Variants in MCM2 observed in about 807,000 individuals in gnomAD.
The protein encoded by MCM2 is DNA replication licensing factor MCM2.
In MCM2, 49 loss-of-function variants were observed where a neutral mutation model predicts 86.4. That is an observed-to-expected ratio of 0.57 (90% confidence interval 0.45 to 0.72). MCM2 has a LOEUF of 0.72. Ranked by LOEUF, MCM2 falls within the 30% of genes least tolerant of loss-of-function variation. The pLI, the probability that MCM2 is intolerant of heterozygous loss-of-function variation, is 0.00. For synonymous variants in MCM2, 475 were observed against 484.6 expected, an observed-to-expected ratio of 0.98 and a Z score of 0.26; for missense variants, 1,038 against 1,259.9, an observed-to-expected ratio of 0.82 and a Z score of 2.67.
At chr3:127,603,914 C>A (rs1213539159) in intron 2 of MCM2, among the ~76,000 whole-genome samples, 6 of 151,896 alleles carry the variant, frequency 4.0e-5, no homozygotes, top group African/African-American at 1.5e-4. Flanking sequence ...TCCGCCTTGG[C>A]CTCCCAAAGT....
intron 3 of MCM2, 33 bp from the exon 4 acceptor site, chr3:127,604,863 G>T: frequency 6.3e-7 from 1 of 1,588,524 alleles, no homozygotes; most frequent in South Asian, 1.1e-5. Flanking sequence ...TGCTGGGGAT[G>T]ACCGCAGTAG....
chr3:127,621,149 A>T lies in MCM2; in HGVS notation c.2525A>T (p.Glu842Val). Residue 842 changes from glutamate (E) to valine (V), a missense_variant, in exon 15 of 16, where the codon GAG (glutamate) becomes GTG (valine). Physicochemically the swap from Glu to Val is moderately radical, Grantham distance 121. Around this residue, in one of 4 missense-constraint regions of MCM2, gnomAD observed 336 missense variants for 425.7 expected, o/e 0.79. Transcript: ENST00000265056. The stretch of plus-strand genomic sequence containing the variant: ...TTCATACTGAAGCAGTTAGTGGCAG[A>T]GCAGGTGACATATCAGCGCAACCGC... ...LLFILKQLVA[E>V]QVTYQRNRFG... is the part of the protein sequence containing the mutation. The T allele has an allele frequency of 1.2e-6, 2 of 1,614,216 alleles. No homozygotes were observed. Among genetic ancestry groups the T allele is most frequent in the Non-Finnish European group, 1.7e-6 (2 of 1,180,050 alleles).
rs760232173 is a variant in MCM2, at chr3:127,606,188, G to A, written c.744G>A (p.Leu248=). ...AAREHVLAYF[L]PEAPAELLQI... ...GGGAGCACGTGCTGGCCTACTTCCT[G>A]CCTGAGGCACCGGCGGAGCTGCTGC... Residue 248 remains leucine, a synonymous_variant, in exon 5 of 16, where the codon CTG becomes CTA. Transcript: ENST00000265056. The surrounding 1 kb of genome is among the most constrained non-coding windows in gnomAD (Gnocchi z 4.2). The A allele has an allele frequency of 6.2e-7, 1 of 1,614,238 alleles. No homozygotes were observed. The highest frequency in any genetic ancestry group is 8.5e-7 in the Non-Finnish European group (1 of 1,180,050).
intron 2 of MCM2, among the ~76,000 whole-genome samples, chr3:127,602,572 C>A (rs1256983387): frequency 6.6e-6 from 1 of 152,198 alleles, no homozygotes; most frequent in African/African-American, 2.4e-5. Context: ...CCTCATCTTT[C>A]AGATGGAATG....
chr3:127,602,995 C>T (rs1369271026), intron 2 of MCM2, among the ~76,000 whole-genome samples: 1 of 152,128 alleles, frequency 6.6e-6, no homozygotes, highest in Non-Finnish European at 1.5e-5. Context: ...GTAAAATACA[C>T]ATAACAAAAT....
rs2074456657 is a variant in MCM2, at chr3:127,619,151, AG to A, written c.2139del (p.Glu713AspfsTer8). On this transcript the variant is annotated frameshift_variant, in exon 13 of 16. Transcript: ENST00000265056. LOFTEE classifies it high-confidence loss of function. ...GCCATGCCCAACACGTATGGCGTGG[AG>A]CCCCTGCCCCAGGAGGTCCTGAAGA... ...EPAMPNTYGVEPLPQEVLKKY... is the reference protein window; with the variant it reads ...EPAMPNTYGVXPLPQEVLKKY... The A allele has an allele frequency of 6.2e-7, 1 of 1,614,046 alleles. No homozygotes were observed. Among genetic ancestry groups the A allele is most frequent in the African/African-American group, 1.3e-5 (1 of 74,948 alleles).
chr3:127,598,490 T>C lies in MCM2; in HGVS notation c.6+18T>C. On this transcript the variant is annotated intron_variant, in intron 1 of 15. Transcript: ENST00000265056. ...CTATGGCGGTGAGCGCGCTGGCGCG[T>C]GGCGGGCGGGCGCCGGGGACATGGG... is the stretch of plus-strand genomic sequence containing the variant. The C allele has an allele frequency of 6.2e-7, 1 of 1,612,044 alleles. No homozygotes were observed. Among genetic ancestry groups the C allele is most frequent in the Non-Finnish European group, 8.5e-7 (1 of 1,179,068 alleles).
In MCM2 at chr3:127,606,080, T is replaced by C. The variant is rs773844935; in HGVS notation, c.674-38T>C. On this transcript the variant is annotated intron_variant, in intron 4 of 15. Coordinates refer to ENST00000265056, the MANE Select transcript of MCM2 (RefSeq NM_004526.4). This position sits in a 1 kb window ranked among gnomAD's most constrained non-coding sequence, Gnocchi z 4.2. ...TTGTTGCAGCCCAGCCCAGGCCTCATGCTTAGTTAACTCTCTTCCCACTGT... is the reference window on the plus strand; with the variant it reads ...TTGTTGCAGCCCAGCCCAGGCCTCACGCTTAGTTAACTCTCTTCCCACTGT... The C allele has an allele frequency of 3.1e-5, 48 of 1,533,450 alleles. No individual in the cohort carries two copies. The highest frequency in any genetic ancestry group is 4.2e-5 in the Non-Finnish European group (47 of 1,107,258). 95.0% of individuals were successfully genotyped at this position (1,533,450 alleles called of 1,614,324 possible). A position where few individuals can be genotyped will look rare whatever the true frequency, so the allele number is the denominator to read the frequency against.
Position 127,621,713 on chromosome 3 carries a change from C to T in MCM2, c.2655C>T (p.Leu885=). The T allele has an allele frequency of 6.2e-7, 1 of 1,614,190 alleles. No individual in the cohort carries two copies. Among genetic ancestry groups the T allele is most frequent in the Non-Finnish European group, 8.5e-7 (1 of 1,180,034 alleles). The change falls in exon 16 of 16, where the codon CTC becomes CTT. Residue 885 remains leucine (L), a synonymous_variant. Transcript: ENST00000265056. ...HNLSAFYDSE[L]FRMNKFSHDL... ...TCTCTGCATTTTATGACAGTGAGCTCTTCAGGATGAACAAGTTCAGCCACG... is the reference window on the plus strand; with the variant it reads ...TCTCTGCATTTTATGACAGTGAGCTTTTCAGGATGAACAAGTTCAGCCACG...
intron 6 of MCM2, among the ~76,000 whole-genome samples, chr3:127,608,125 A>G (rs1474729088): frequency 6.6e-6 from 1 of 152,160 alleles, no homozygotes; most frequent in African/African-American, 2.4e-5. Flanking sequence ...CAGCATCGGT[A>G]CTCAAGACAG....
At chr3:127,609,787 G>A (rs182752339) in intron 8 of MCM2, among the ~76,000 whole-genome samples, 142 of 149,544 alleles carry the variant, frequency 9.5e-4, no homozygotes, top group Non-Finnish European at 1.6e-3. Flanking sequence ...TCTCAAGCTC[G>A]CTGCTCTCCC....
At chr3:127,612,562 A>T (rs1358269503) in intron 8 of MCM2, among the ~76,000 whole-genome samples, 1 of 152,252 alleles carries the variant, frequency 6.6e-6, no homozygotes, top group Admixed American at 6.5e-5. Flanking sequence ...AACTGGATGG[A>T]AGAGCCTGTG....
intron 1 of MCM2, chr3:127,598,842 T>G: frequency 2.6e-6 from 1 of 383,114 alleles, no homozygotes; most frequent in Non-Finnish European, 4.7e-6. Flanking sequence ...ACACTACACT[T>G]ACTTTTGTAT....
chr3:127,613,557 A>G (rs2074414006), intron 8 of MCM2, among the ~76,000 whole-genome samples: 1 of 152,256 alleles, frequency 6.6e-6, no homozygotes, highest in Admixed American at 6.5e-5. Flanking sequence ...TGGCAGAGTC[A>G]GCAGCCTGGC....
rs1370755306 is a variant in MCM2 at position 127,608,496 on chromosome 3, T to G, written c.1216T>G (p.Cys406Gly). Residue 406 changes from cysteine to glycine, a missense_variant, in exon 7 of 16, where the codon TGC (cysteine) becomes GGC (glycine). By Grantham distance (159) the Cys-to-Gly change is radical (BLOSUM62 -3). Transcript: ENST00000265056. ...TCTCCTCGCAGATCTGGTGGACAGC[T>G]GCAAGCCAGGAGACGAGATAGTAAG... The part of the protein sequence containing the change: ...AILLADLVDS[C>G]KPGDEIELTG... The G allele has an allele frequency of 6.2e-7, 1 of 1,614,014 alleles. No individual in the cohort carries two copies. Among genetic ancestry groups the G allele is most frequent in the African/African-American group, 1.3e-5 (1 of 74,900 alleles).
chr3:127,619,666 G>A (rs1289860987), intron 13 of MCM2, among the ~76,000 whole-genome samples: 1 of 152,006 alleles, frequency 6.6e-6, no homozygotes, highest in African/African-American at 2.4e-5. Flanking sequence ...GTGACAGAGT[G>A]AGACTCCATC....
chr3:127,614,764 A>G (rs1164920835), intron 8 of MCM2, among the ~76,000 whole-genome samples: 1 of 152,226 alleles, frequency 6.6e-6, no homozygotes, highest in Non-Finnish European at 1.5e-5. Context: ...TGCAGGTGTC[A>G]TCCCTACAAT....
intron 2 of MCM2, chr3:127,604,370 G>T (rs2074329102): frequency 6.1e-6 from 3 of 494,910 alleles, no homozygotes; most frequent in Non-Finnish European, 1.1e-5. Context: ...CCATGTGCCA[G>T]CACGTGGCAG....
intron 2 of MCM2, among the ~76,000 whole-genome samples, chr3:127,603,786 C>G (rs74552961): frequency 6.6e-6 from 1 of 152,284 alleles, no homozygotes; most frequent in East Asian, 1.9e-4. Context: ...CTCAGCCTCT[C>G]GAGTAGCTGG....
Sources: gnomAD v4.1 joint callset for allele counts (sites outside exome capture counted in the v4.1 genomes callset) on GRCh38, gnomAD v4.1.1 for gene constraint, gnomAD v4.1.1 regional missense constraint, Gnocchi (gnomAD v3.1) non-coding constraint, MANE v1.5 for transcripts, NCBI Gene and HGNC (gene_info 2026-07-23, HGNC 2026-07-21) for gene names.